The following STOML1 variants were observed in gnomAD, a reference collection of about 807,000 sequenced individuals.
STOML1 encodes the protein stomatin like 1.
Under a neutral mutation model 35.7 loss-of-function variants are expected in STOML1, and 27 were observed. That is an observed-to-expected ratio of 0.76 (90% CI 0.56 to 1.04). The LOEUF (loss-of-function observed/expected upper bound fraction) is 1.04. STOML1 is among the 50% of genes least tolerant of loss of function. The pLI is 0.00. For missense variants in STOML1, 451 were observed against 527.1 expected, an observed-to-expected ratio of 0.86 and a Z score of 1.41; for synonymous variants, 219 against 227.9, an observed-to-expected ratio of 0.96 and a Z score of 0.35.
chr15:73,990,588 C>T (rs2069243602), intron 1 of STOML1, 131 bp from the exon 2 acceptor site: 2 of 953,576 alleles, frequency 2.1e-6, no homozygotes, highest in African/African-American at 1.7e-5. Context: ...CTCAATCTGG[C>T]TCCTTGCCTA....
At chr15:73,985,677 G>A in intron 4 of STOML1, 164 bp from the exon 5 acceptor site, 1 of 856,124 alleles carries the variant, frequency 1.2e-6, no homozygotes, top group Non-Finnish European at 1.7e-6. Flanking sequence ...TTTCAGCTGT[G>A]GTAAGTGCCA....
rs1353430977 is a variant in STOML1 at position 73,992,225 on chromosome 15, G to A, written c.-2C>T. Reference sequence around the variant, plus strand: ...CCGGTACCCAGACCTGCCGAGCATGGCTTTTGACAGGAGACACGCCCCGCG... The same window carrying A: ...CCGGTACCCAGACCTGCCGAGCATGACTTTTGACAGGAGACACGCCCCGCG... On this transcript the variant is annotated 5_prime_UTR_variant, in exon 1 of 7. Transcript: ENST00000541638. 1.3e-6 allele frequency: 2 copies of A among 1,595,458 alleles called. No homozygotes were observed. Among genetic ancestry groups the A allele is most frequent in the African/African-American group, 1.4e-5 (1 of 72,044 alleles).
chr15:73,991,966 C>T (rs947931466), intron 1 of STOML1, 125 bp downstream of exon 1: 5 of 1,379,054 alleles, frequency 3.6e-6, no homozygotes, highest in Non-Finnish European at 4.8e-6. Context: ...CATCGTATCC[C>T]TTTCTCAGTC....
rs1182128401 is a variant in STOML1, at chr15:73,979,425, C to T, written c.*4512G>A. On this transcript the variant is annotated 3_prime_UTR_variant, in exon 7 of 7. Coordinates refer to ENST00000541638, the MANE Select transcript of STOML1 (RefSeq NM_004809.5). ...AAAGTGCAGTGGCATGATCTCAACT[C>T]ACTGCAACTTCCACCTCCTGGGTTC... The T allele has an allele frequency of 2.0e-5, 3 of 152,228 alleles. No individual in the cohort carries two copies. Among genetic ancestry groups the T allele is most frequent in the Non-Finnish European group, 4.4e-5 (3 of 68,050 alleles). The allele number at this position is 152,228 out of a possible 1,614,324, so 9.4% of individuals were successfully genotyped here.
chr15:73,990,499 A>C, intron 1 of STOML1, 42 bp from the exon 2 acceptor site: 2 of 1,560,690 alleles, frequency 1.3e-6, no homozygotes, highest in South Asian at 2.3e-5. Context: ...CCTGCACGAC[A>C]GCTGCCAAGC....
In STOML1 at chr15:73,992,243, G is replaced by T. The variant is rs201806169; in HGVS notation, c.-20C>A. 8.4e-5 allele frequency: 133 copies of T among 1,580,414 alleles called. 1 individual carries two copies. The highest frequency in any genetic ancestry group is 6.9e-4 in the Middle Eastern group (4 of 5,794). On this transcript the variant is annotated 5_prime_UTR_variant, in exon 1 of 7. Coordinates refer to ENST00000541638, the MANE Select transcript of STOML1 (RefSeq NM_004809.5). ...GAGCATGGCTTTTGACAGGAGACACGCCCCGCGCCTCCGCGCGGCGCCCTC... is the reference window on the plus strand; with the variant it reads ...GAGCATGGCTTTTGACAGGAGACACTCCCCGCGCCTCCGCGCGGCGCCCTC...
chr15:73,994,141 C>T (rs2301272), upstream of STOML1, among the ~76,000 whole-genome samples: 8,355 of 152,290 alleles, frequency 0.055, 328 homozygotes, highest in East Asian at 0.18. Context: ...TCAATCTCCT[C>T]AGCTAGGATC....
In STOML1 at chr15:73,984,696, G is replaced by A. The variant is rs536726242; in HGVS notation, c.966C>T (p.Ser322=). ...CCAGGAAGTAGGCGCTTTGGGTGCCGCTGGGCAGGACGACATTGAACTGGT... is the reference window on the plus strand; with the variant it reads ...CCAGGAAGTAGGCGCTTTGGGTGCCACTGGGCAGGACGACATTGAACTGGT... The part of the protein sequence containing the change: ...ACYQFNVVLP[S]GTQSAYFLDL... Residue 322 remains serine (S), a synonymous_variant, in exon 6 of 7, where the codon AGC becomes AGT. Coordinates refer to ENST00000541638, the MANE Select transcript of STOML1 (RefSeq NM_004809.5). The A allele has an allele frequency of 1.3e-5, 21 of 1,614,132 alleles. No individual in the cohort carries two copies. The highest frequency in any genetic ancestry group is 1.1e-4 in the African/African-American group (8 of 75,054).
In STOML1 at chr15:73,988,478, A is replaced by C; in HGVS notation, c.594+121T>G. The C allele has an allele frequency of 8.4e-7, 1 of 1,192,084 alleles. No homozygotes were observed. The highest frequency in any genetic ancestry group is 2.6e-5 in the East Asian group (1 of 39,178). 73.8% of individuals were successfully genotyped at this position (1,192,084 alleles called of 1,614,324 possible). On this transcript the variant is annotated intron_variant, in intron 4 of 6. Transcript: ENST00000541638. The surrounding 1 kb of genome is among the most constrained non-coding windows in gnomAD (Gnocchi z 4.8). ...GCACTGGCTCTTCAAAGGTGGTTAC[A>C]CTATTGGGACATATGGTAAACTGAG...
At chr15:73,990,899 C>A in intron 1 of STOML1, 1 of 1,533,032 alleles carries the variant, frequency 6.5e-7, no homozygotes, top group Non-Finnish European at 8.7e-7. Flanking sequence ...TACCATCAGC[C>A]CCAGAAGTGT....
rs768602137 is a variant in STOML1 at position 73,984,021 on chromosome 15, C to T, written c.1113G>A (p.Gly371=). Residue 371 remains glycine (G), a synonymous_variant, in exon 7 of 7, where the codon GGG becomes GGA. Transcript: ENST00000541638. The stretch of plus-strand genomic sequence containing the variant: ...CCTTCAGCCGTCCACTCATGTAGGC[C>T]CCCAGGGGCCGCAGCTCTCTGCATA... ...ALLCRELRPL[G]AYMSGRLKVK... 1 of 1,613,914 alleles carries T rather than the reference C, an allele frequency of 6.2e-7. No individual in the cohort carries two copies. Among genetic ancestry groups the T allele is most frequent in the Non-Finnish European group, 8.5e-7 (1 of 1,180,020 alleles).
At chr15:73,991,512 C>T (rs540987444) in intron 1 of STOML1, 1 of 448,868 alleles carries the variant, frequency 2.2e-6, no homozygotes, top group Non-Finnish European at 4.5e-6. Flanking sequence ...GGGATCAAAT[C>T]CAAGGTTAGG....
At chr15:73,990,798 A>G in intron 1 of STOML1, 1 of 1,535,284 alleles carries the variant, frequency 6.5e-7, no homozygotes, top group Non-Finnish European at 8.7e-7. Context: ...CGTTTAATTT[A>G]TATTGCCTAC....
intron 1 of STOML1, 114 bp downstream of exon 1, chr15:73,991,977 C>G (rs781023089): frequency 2.1e-6 from 3 of 1,403,390 alleles, no homozygotes; most frequent in Non-Finnish European, 2.8e-6. Context: ...TTTCTCAGTC[C>G]CCCCTCGTAG....
intron 5 of STOML1, 113 bp from the exon 6 acceptor site, chr15:73,984,984 T>A: frequency 1.6e-6 from 2 of 1,249,414 alleles, no homozygotes; most frequent in Non-Finnish European, 2.2e-6. Context: ...TCCTCTTAGA[T>A]CCCCTTCAGG....
intron 2 of STOML1, 88 bp from the exon 3 acceptor site, chr15:73,989,345 C>T (rs1461393093): frequency 7.2e-7 from 1 of 1,385,926 alleles, no homozygotes; most frequent in African/African-American, 1.4e-5. Context: ...CACTTCTCTC[C>T]TCCTCACCTG....
At chr15:73,990,764 G>T in intron 1 of STOML1, 1 of 1,511,484 alleles carries the variant, frequency 6.6e-7, no homozygotes, top group East Asian at 2.5e-5. Context: ...TCTCCTCACT[G>T]GACTGAGTAG....
Position 73,984,713 on chromosome 15 carries a change from T to C in STOML1, c.949A>G (p.Asn317Asp). 2 of 1,614,104 alleles carry C rather than the reference T, an allele frequency of 1.2e-6. No individual in the cohort carries two copies. Among genetic ancestry groups the C allele is most frequent in the Non-Finnish European group, 1.7e-6 (2 of 1,180,032 alleles). ...TGGGTGCCGCTGGGCAGGACGACAT[T>C]GAACTGGTAGCAGGCCCCGACTTGG... Reference protein sequence around the residue: ...VSQVGACYQFNVVLPSGTQSA... With the variant: ...VSQVGACYQFDVVLPSGTQSA... Residue 317 changes from asparagine (N) to aspartate (D), a missense_variant, in exon 6 of 7, where the codon AAT becomes GAT. By Grantham distance (23) the Asn-to-Asp change is conservative. Transcript: ENST00000541638.
chr15:73,982,765 C>G lies in STOML1; in HGVS notation c.*1172G>C, dbSNP rs991604936. 6.6e-6 allele frequency: 1 copy of G among 152,260 alleles called. No individual in the cohort carries two copies. Among genetic ancestry groups the G allele is most frequent in the African/African-American group, 2.4e-5 (1 of 41,446 alleles). The allele number at this position is 152,260 out of a possible 1,614,324, so 9.4% of individuals were successfully genotyped here. A position where few individuals can be genotyped will look rare whatever the true frequency, so the allele number is the denominator to read the frequency against. ...TCAGAGGCCCCCTTCTCTGGGGCCC[C>G]TGGGGTTTGGGCGAGAGTACTGGAG... On this transcript the variant is annotated 3_prime_UTR_variant, in exon 7 of 7. Coordinates refer to ENST00000541638, the MANE Select transcript of STOML1 (RefSeq NM_004809.5).
Sources: allele counts gnomAD v4.1 joint callset (sites outside exome capture counted in the v4.1 genomes callset), GRCh38; gene constraint gnomAD v4.1.1; non-coding constraint Gnocchi (gnomAD v3.1); transcripts MANE v1.5; gene names NCBI Gene and HGNC (gene_info 2026-07-23, HGNC 2026-07-21).